The following ZNF433 variants were observed in gnomAD, a reference collection of about 807,000 sequenced individuals.
ZNF433 encodes zinc finger protein 433.
A neutral mutation model predicts 10.6 loss-of-function variants in ZNF433; 12 were observed. The ratio of observed to expected loss-of-function variants is 1.13; its 90% CI spans 0.72 to 1.83. The LOEUF is 1.83. Among genes scored for constraint, ZNF433 ranks in the 40% most tolerant of loss-of-function variants. The pLI is 0.00. For synonymous variants in ZNF433, 272 were observed against 271.3 expected, an observed-to-expected ratio of 1.00 and a Z score of -0.02; for missense variants, 737 against 798.0, an observed-to-expected ratio of 0.92 and a Z score of 0.92.
At chr19:12,035,466 CA>C in intron 1 of ZNF433, 70 bp downstream of exon 1, 16 of 1,548,652 alleles carry the variant, frequency 1.0e-5, no homozygotes, top group Non-Finnish European at 1.4e-5. Flanking sequence ...GCCCGGGTCC[CA>C]CCACAGCCGG....
In ZNF433 at chr19:12,015,552, T is replaced by C; in HGVS notation, c.1306A>G (p.Thr436Ala). The change falls in exon 4 of 4, where the codon ACA becomes GCA. Residue 436 changes from threonine to alanine, a missense_variant. Thr to Ala is a moderately conservative substitution (Grantham distance 58, BLOSUM62 0). Transcript: ENST00000550507. ...KAFRSASLLQ[T>A]HGRTHTGEKP... is the part of the protein sequence containing the mutation. ...TCTCCCGTGTGAGTCCTACCATGTGTTTGAAGGAGTGAGGCAGATCTGAAG... is the reference window on the plus strand; with the variant it reads ...TCTCCCGTGTGAGTCCTACCATGTGCTTGAAGGAGTGAGGCAGATCTGAAG... 2 of 1,613,944 alleles carry C rather than the reference T, an allele frequency of 1.2e-6. No homozygotes were observed. The highest frequency in any genetic ancestry group is 1.7e-6 in the Non-Finnish European group (2 of 1,179,980).
chr19:12,015,776 A>C lies in ZNF433; in HGVS notation c.1082T>G (p.Ile361Arg), dbSNP rs893413462. The change falls in exon 4 of 4, where the codon ATA (isoleucine) becomes AGA (arginine). Residue 361 changes from isoleucine (I) to arginine (R), a missense_variant. Coordinates refer to ENST00000550507, the MANE Select transcript of ZNF433 (RefSeq NM_001308348.2). ...CCCACATATCTTACATTTATGAGAT[A>C]TCTCTCCAGTGTGCATTCCCAAGTG... is the stretch of plus-strand genomic sequence containing the variant. ...QNHLGMHTGE[I>R]SHKCKICGKA... 24 of 1,613,896 alleles carry C rather than the reference A, an allele frequency of 1.5e-5. No homozygotes were observed. The highest frequency in any genetic ancestry group is 2.2e-5 in the South Asian group (2 of 91,020).
intron 1 of ZNF433, among the ~76,000 whole-genome samples, chr19:12,020,406 C>G (rs1455860709): frequency 6.6e-6 from 1 of 151,894 alleles, no homozygotes; most frequent in Non-Finnish European, 1.5e-5. Flanking sequence ...AGTGTAGTTT[C>G]AGGTGGTTAT....
rs540001233 is a variant in ZNF433, at chr19:12,015,614, C to G, written c.1244G>C (p.Gly415Ala). Residue 415 changes from glycine to alanine, a missense_variant, in exon 4 of 4, where the codon GGA becomes GCA. By Grantham distance (60) the Gly-to-Ala change is moderately conservative (BLOSUM62 0). Transcript: ENST00000550507. ...TTGCTTACACTCGTAAGGTTTCTCT[C>G]CAGTGTGAGTTCTTTCATGATATCG... ...SFRYHERTHTGEKPYECKQCG... is the reference protein window; with the variant it reads ...SFRYHERTHTAEKPYECKQCG... 6.2e-7 allele frequency: 1 copy of G among 1,613,984 alleles called. No homozygotes were observed. The highest frequency in any genetic ancestry group is 1.3e-5 in the African/African-American group (1 of 75,004).
At chr19:12,021,900 T>G (rs750578119) in intron 1 of ZNF433, 1 of 453,786 alleles carries the variant, frequency 2.2e-6, no homozygotes, top group Non-Finnish European at 4.5e-6. Flanking sequence ...GTGCACTATT[T>G]CCCAGACAGG....
At chr19:12,023,022 G>A (rs1365359390) in intron 1 of ZNF433, among the ~76,000 whole-genome samples, 2 of 152,294 alleles carry the variant, frequency 1.3e-5, no homozygotes, top group East Asian at 3.9e-4. Flanking sequence ...ACACCCCCCA[G>A]ATCAACAGGA....
At chr19:12,025,694 C>T (rs544669101) in intron 1 of ZNF433, 1 of 152,176 alleles carries the variant, frequency 6.6e-6, no homozygotes, top group Admixed American at 6.5e-5. Context: ...GTGTGGACAC[C>T]TTTTCTCAGT....
chr19:12,016,052 T>G lies in ZNF433; in HGVS notation c.806A>C (p.His269Pro). ...CTTCTCCCCAGTGTGAGTTCTTTTATGAGCATGAAGGCATGTGGAACTATG... is the reference window on the plus strand; with the variant it reads ...CTTCTCCCCAGTGTGAGTTCTTTTAGGAGCATGAAGGCATGTGGAACTATG... ...AFHSSTCLHA[H>P]KRTHTGEKPY... Residue 269 changes from histidine to proline, a missense_variant, in exon 4 of 4, where the codon CAT becomes CCT. By Grantham distance (77) the His-to-Pro change is moderately conservative. Coordinates refer to ENST00000550507, the MANE Select transcript of ZNF433 (RefSeq NM_001308348.2). 3 of 1,614,188 alleles carry G rather than the reference T, an allele frequency of 1.9e-6. No individual in the cohort carries two copies. Among genetic ancestry groups the G allele is most frequent in the Non-Finnish European group, 2.5e-6 (3 of 1,180,028 alleles).
At chr19:12,020,107 A>G (rs1315340076) in intron 1 of ZNF433, among the ~76,000 whole-genome samples, 1 of 152,152 alleles carries the variant, frequency 6.6e-6, no homozygotes, top group African/African-American at 2.4e-5. Flanking sequence ...CCCCATCTCT[A>G]CTAAAAATAC....
rs536440068 is a variant in ZNF433 at position 12,035,613 on chromosome 19, C to A, written c.-74G>T. The A allele has an allele frequency of 8.3e-5, 128 of 1,540,084 alleles. No homozygotes were observed. The South Asian group carries it at 1.4e-3, about 17-fold the overall frequency. ...GCGACAGAAGCTATGGCAGAGGCACCTGAACCCTCTCGGAGGGGAAAGCCA... is the reference window on the plus strand; with the variant it reads ...GCGACAGAAGCTATGGCAGAGGCACATGAACCCTCTCGGAGGGGAAAGCCA... On this transcript the variant is annotated 5_prime_UTR_variant, in exon 1 of 4. The change creates a new upstream start codon in the 5' untranslated region. Coordinates refer to ENST00000550507, the MANE Select transcript of ZNF433 (RefSeq NM_001308348.2).
In ZNF433 at chr19:12,014,869, C is replaced by T. The variant is rs367917580; in HGVS notation, c.1989G>A (p.Arg663=). 1.9e-6 allele frequency: 3 copies of T among 1,596,930 alleles called. No individual in the cohort carries two copies. The African/African-American group carries it at 4.0e-5, about 21-fold the overall frequency. The change falls in exon 4 of 4, where the codon AGG becomes AGA. Residue 663 remains arginine (R), a synonymous_variant. Coordinates refer to ENST00000550507, the MANE Select transcript of ZNF433 (RefSeq NM_001308348.2). ...GTTATGGGGTGTCTATGCAGTGAGC[C>T]CTTCCATGCACTTGAAGTTGTGAAG... ...RCSSQLQVHG[R]AHCIDTP
chr19:12,020,787 C>T (rs1017075884), intron 1 of ZNF433, among the ~76,000 whole-genome samples: 7 of 151,360 alleles, frequency 4.6e-5, no homozygotes, highest in Admixed American at 6.6e-5. Context: ...TGTAGTGATG[C>T]GCGCTACTGG....
chr19:12,025,441 C>T (rs1335981668), intron 1 of ZNF433: 1 of 152,240 alleles, frequency 6.6e-6, no homozygotes, highest in Non-Finnish European at 1.5e-5. Flanking sequence ...GTTGCTACTA[C>T]AATATCTAAT....
chr19:12,021,988 C>T (rs1308877491), intron 1 of ZNF433: 2 of 456,540 alleles, frequency 4.4e-6, no homozygotes, highest in South Asian at 3.1e-5. Flanking sequence ...AACCGTCACG[C>T]TGTGATAGAG....
chr19:12,031,513 C>T (rs997399973), intron 1 of ZNF433, among the ~76,000 whole-genome samples: 2 of 151,580 alleles, frequency 1.3e-5, no homozygotes, highest in African/African-American at 4.9e-5. Context: ...ATTAGCTGGG[C>T]GTGGTGGCAG....
chr19:12,015,840 A>G lies in ZNF433; in HGVS notation c.1018T>C (p.Cys340Arg), dbSNP rs1974156070. 6.2e-7 allele frequency: 1 copy of G among 1,613,980 alleles called. No homozygotes were observed. The highest frequency in any genetic ancestry group is 1.3e-5 in the African/African-American group (1 of 74,904). ...SRKKPYECKH[C>R]GKVLSYLTSF... The stretch of plus-strand genomic sequence containing the variant: ...GTAAGATAAGATAATACTTTCCCAC[A>G]ATGTTTACATTCATAGGGTTTTTTC... Residue 340 changes from cysteine to arginine, a missense_variant, in exon 4 of 4, where the codon TGT becomes CGT. Coordinates refer to ENST00000550507, the MANE Select transcript of ZNF433 (RefSeq NM_001308348.2).
intron 1 of ZNF433, chr19:12,026,732 G>A: frequency 4.4e-6 from 2 of 454,166 alleles, no homozygotes; most frequent in Non-Finnish European, 4.4e-6. Flanking sequence ...AGAACAGGCA[G>A]AGGTGCTGCA....
At chr19:12,035,507 C>T (rs1421126286) in intron 1 of ZNF433, 30 bp downstream of exon 1, 3 of 1,567,760 alleles carry the variant, frequency 1.9e-6, no homozygotes, top group Admixed American at 1.9e-5. Context: ...GCTCCTCCCC[C>T]GCCTCGGGAC....
intron 1 of ZNF433, among the ~76,000 whole-genome samples, chr19:12,030,974 G>A (rs950475744): frequency 6.6e-6 from 1 of 152,036 alleles, no homozygotes; most frequent in African/African-American, 2.4e-5. Flanking sequence ...TATTTGGGAA[G>A]CTGAAGCAGG....
Sources: gnomAD v4.1 joint callset for allele counts (sites outside exome capture counted in the v4.1 genomes callset) on GRCh38, gnomAD v4.1.1 for gene constraint, MANE v1.5 for transcripts, NCBI Gene and HGNC (gene_info 2026-07-23, HGNC 2026-07-21) for gene names.